Variants in CDKN3 observed in about 807,000 individuals in gnomAD.
CDKN3 encodes the protein cyclin dependent kinase inhibitor 3, also known as cyclin-dependent kinase inhibitor 3.
CDKN3 carries 19 observed loss-of-function variants against 36.1 expected under a neutral mutation model. That is an observed-to-expected ratio of 0.53 (90% CI 0.37 to 0.77). CDKN3 has a LOEUF of 0.77. Among genes scored for constraint, CDKN3 ranks in the 30% least tolerant of loss-of-function variants. CDKN3 has a pLI of 0.00. For synonymous variants in CDKN3, 71 were observed against 85.3 expected, an observed-to-expected ratio of 0.83 and a Z score of 0.92; for missense variants, 188 against 248.6, an observed-to-expected ratio of 0.76 and a Z score of 1.64.
At chr14:54,400,719 A>G (rs985766737) in intron 2 of CDKN3, among the ~76,000 whole-genome samples, 4 of 152,214 alleles carry the variant, frequency 2.6e-5, no homozygotes, top group African/African-American at 9.6e-5. Flanking sequence ...ATTTCCACTT[A>G]AAACTCCCAT....
At chr14:54,402,300 A>G (rs1566704194) in intron 3 of CDKN3, among the ~76,000 whole-genome samples, 1 of 110,288 alleles carries the variant, frequency 9.1e-6, no homozygotes, top group African/African-American at 3.4e-5. Context: ...ATTCCATGGC[A>G]TGTGTGTGCG....
At chr14:54,418,220 C>T (rs1302760401) in intron 7 of CDKN3, 5 of 702,220 alleles carry the variant, frequency 7.1e-6, no homozygotes, top group African/African-American at 1.7e-5. Flanking sequence ...CCAGGATCTA[C>T]CTACTTCTCA....
chr14:54,408,805 C>T lies in CDKN3; in HGVS notation c.193+16C>T, dbSNP rs757108797. On this transcript the variant is annotated intron_variant, in intron 4 of 7. Transcript: ENST00000335183. ...AAAGATACAGGTAGGTATAATATCA[C>T]GCAACCACACTCATGGGTTTTTTAA... The T allele has an allele frequency of 8.1e-5, 126 of 1,548,980 alleles. No individual in the cohort carries two copies. Among genetic ancestry groups the T allele is most frequent in the Non-Finnish European group, 9.5e-5 (110 of 1,155,980 alleles).
chr14:54,417,767 A>G, intron 6 of CDKN3, 81 bp from the exon 7 acceptor site: 1 of 709,618 alleles, frequency 1.4e-6, no homozygotes, highest in Non-Finnish European at 2.4e-6. Context: ...CTGTATCAAC[A>G]GAAGTCTTAT....
At chr14:54,399,595 G>C (rs1886415886) in intron 1 of CDKN3, among the ~76,000 whole-genome samples, 1 of 152,312 alleles carries the variant, frequency 6.6e-6, no homozygotes, top group African/African-American at 2.4e-5. Flanking sequence ...GGAAAATCGA[G>C]ATCCAGAACC....
chr14:54,412,287 A>T (rs1220244072), intron 5 of CDKN3, among the ~76,000 whole-genome samples: 1 of 151,986 alleles, frequency 6.6e-6, no homozygotes, highest in Non-Finnish European at 1.5e-5. Flanking sequence ...CAGGAGGATG[A>T]GGTGGGGGAA....
At chr14:54,413,471 T>C in intron 5 of CDKN3, 2 of 623,168 alleles carry the variant, frequency 3.2e-6, no homozygotes, top group African/African-American at 1.9e-5. Context: ...TAGCTGGTTC[T>C]GGCAACCCAA....
intron 3 of CDKN3, among the ~76,000 whole-genome samples, chr14:54,404,762 A>G (rs569363341): frequency 6.6e-6 from 1 of 152,216 alleles, no homozygotes; most frequent in East Asian, 1.9e-4. Context: ...TTTTTAGTAG[A>G]GACGGGGGTT....
chr14:54,414,757 A>C, intron 5 of CDKN3, among the ~76,000 whole-genome samples: 1 of 132,148 alleles, frequency 7.6e-6, no homozygotes, highest in African/African-American at 2.9e-5. Context: ...CTTTATTGCC[A>C]AAGCTGGTCT....
At chr14:54,403,131 T>G (rs975647343) in intron 3 of CDKN3, among the ~76,000 whole-genome samples, 14 of 152,322 alleles carry the variant, frequency 9.2e-5, no homozygotes, top group Admixed American at 4.6e-4. Flanking sequence ...ATCTATAAAT[T>G]ACTTTGGGCA....
At chr14:54,406,473 C>T (rs1483257851) in intron 3 of CDKN3, among the ~76,000 whole-genome samples, 1 of 152,182 alleles carries the variant, frequency 6.6e-6, no homozygotes. Context: ...CTTTCAGGTA[C>T]ACCAGTCAAA....
chr14:54,413,474 C>A, intron 5 of CDKN3: 1 of 625,842 alleles, frequency 1.6e-6, no homozygotes, highest in Admixed American at 2.7e-5. Flanking sequence ...CTGGTTCTGG[C>A]AACCCAAATG....
At chr14:54,410,126 AAC>A (rs1049170667) in intron 4 of CDKN3, among the ~76,000 whole-genome samples, 3 of 152,306 alleles carry the variant, frequency 2.0e-5, no homozygotes, top group Admixed American at 6.5e-5. Flanking sequence ...TTTCTATAAA[AAC>A]AGTTTCCAAT....
In CDKN3 at chr14:54,420,089, A is replaced by G; in HGVS notation, c.*11A>G. ...TCTGTATCAAGATAAAGGAATTCAA[A>G]TAGCATATATATGACCATGTCTGAA... On this transcript the variant is annotated 3_prime_UTR_variant, in exon 8 of 8. Transcript: ENST00000335183. The G allele has an allele frequency of 7.1e-7, 1 of 1,414,526 alleles. No homozygotes were observed. Among genetic ancestry groups the G allele is most frequent in the South Asian group, 1.2e-5 (1 of 86,566 alleles). The allele number at this position is 1,414,526 out of a possible 1,614,324, so 87.6% of individuals were successfully genotyped here.
chr14:54,418,661 T>G (rs1227707358), intron 7 of CDKN3, among the ~76,000 whole-genome samples: 1 of 152,222 alleles, frequency 6.6e-6, no homozygotes, highest in Non-Finnish European at 1.5e-5. Flanking sequence ...ATCCTGGCTG[T>G]TAGGCAGCTC....
intron 1 of CDKN3, among the ~76,000 whole-genome samples, chr14:54,398,632 G>T (rs1039659830): frequency 6.6e-6 from 1 of 152,208 alleles, no homozygotes; most frequent in Non-Finnish European, 1.5e-5. Flanking sequence ...AGTGAGAAAA[G>T]GGTATGGGTT....
intron 1 of CDKN3, among the ~76,000 whole-genome samples, chr14:54,398,101 A>G (rs1422827303): frequency 6.6e-6 from 1 of 152,260 alleles, no homozygotes; most frequent in African/African-American, 2.4e-5. Flanking sequence ...ACTGCCCTCC[A>G]GCCTGGGCGA....
At chr14:54,400,237 T>TATAATGTAGA (rs11281426) in intron 2 of CDKN3, among the ~76,000 whole-genome samples, 1 of 142,318 alleles carries the variant, frequency 7.0e-6, no homozygotes, top group African/African-American at 2.6e-5. Context: ...ATTTACTCTT[T>TATAATGTAGA]ATAAGACCCT....
chr14:54,415,842 G>C, intron 5 of CDKN3, 57 bp from the exon 6 acceptor site: 1 of 1,316,152 alleles, frequency 7.6e-7, no homozygotes, highest in Non-Finnish European at 1.1e-6. Flanking sequence ...CAAGTCTTTA[G>C]TTGTAACTAG....
Sources: allele counts gnomAD v4.1 joint callset (sites outside exome capture counted in the v4.1 genomes callset), GRCh38; gene constraint gnomAD v4.1.1; transcripts MANE v1.5; gene names NCBI Gene and HGNC (gene_info 2026-07-23, HGNC 2026-07-21).